The following STK32B variants were observed in gnomAD, a reference collection of about 807,000 sequenced individuals.
STK32B encodes the protein serine/threonine kinase 32B, also known as serine/threonine-protein kinase 32B.
Under a neutral mutation model 52.6 loss-of-function variants are expected in STK32B, and 43 were observed. That is an observed-to-expected ratio of 0.82 (90% confidence interval 0.64 to 1.05). The LOEUF (loss-of-function observed/expected upper bound fraction) is 1.05, where lower values mean the gene tolerates loss of function less well. Among genes scored for constraint, STK32B ranks in the 50% least tolerant of loss-of-function variants. STK32B has a pLI of 0.00. For synonymous variants in STK32B, 238 were observed against 204.3 expected (o/e 1.17, Z -1.41); for missense variants, 621 against 534.6 (o/e 1.16, Z -1.59).
intron 3 of STK32B, among the ~76,000 whole-genome samples, chr4:5,318,930 T>C (rs1174623734): frequency 6.6e-6 from 1 of 151,886 alleles, no homozygotes; most frequent in Admixed American, 6.6e-5. Context: ...CTCCTCAGTA[T>C]CTGGGACTAC....
intron 1 of STK32B, among the ~76,000 whole-genome samples, chr4:5,139,083 A>G (rs13129368): frequency 0.64 from 97,613 of 152,084 alleles, 35,359 homozygotes; most frequent in Non-Finnish European, 0.82. Flanking sequence ...GTGGTCCAGG[A>G]GACAGAAGAT....
rs998301642 is a variant in STK32B at position 5,469,363 on chromosome 4, C to A, written c.1106+1293C>A. Among the ~76,000 whole-genome samples, 1 of 152,238 alleles carries A rather than the reference C, an allele frequency of 6.6e-6. No homozygotes were observed. The highest frequency in any genetic ancestry group is 2.4e-5 in the African/African-American group (1 of 41,464). ...AGGGCAGTGCATGTCACAGCAGACA[C>A]CTGGCTCAGCCTGGGTGGTTGGGGA... On this transcript the variant is annotated intron_variant, in intron 11 of 11. Transcript: ENST00000282908. This position sits in a 1 kb window ranked among gnomAD's most constrained non-coding sequence, Gnocchi z 4.7.
At chr4:5,488,963 C>G (rs1426230706) in intron 11 of STK32B, among the ~76,000 whole-genome samples, 1 of 151,828 alleles carries the variant, frequency 6.6e-6, no homozygotes, top group Non-Finnish European at 1.5e-5. Context: ...ATTTTATATA[C>G]AGAATGTTAT....
intron 3 of STK32B, among the ~76,000 whole-genome samples, chr4:5,238,810 C>A (rs372430467): frequency 2.0e-5 from 3 of 152,286 alleles, no homozygotes; most frequent in South Asian, 4.1e-4. Flanking sequence ...GTGTCAGCAC[C>A]ACAAGGCACA....
chr4:5,247,884 G>T (rs1725578610), intron 3 of STK32B, among the ~76,000 whole-genome samples: 1 of 152,086 alleles, frequency 6.6e-6, no homozygotes. Context: ...TACAGTCTCA[G>T]TTGCAGCTTT....
At chr4:5,335,085 C>T (rs372422708) in intron 4 of STK32B, among the ~76,000 whole-genome samples, 9,231 of 151,938 alleles carry the variant, frequency 0.061, 582 homozygotes, top group African/African-American at 0.15. Flanking sequence ...TGGTAGAATT[C>T]GGCTGTGAAT....
chr4:5,348,764 C>T (rs995694141), intron 4 of STK32B, among the ~76,000 whole-genome samples: 1 of 152,302 alleles, frequency 6.6e-6, no homozygotes, highest in African/African-American at 2.4e-5. Flanking sequence ...TGTCTGCATG[C>T]ACCATCAGGG....
intron 1 of STK32B, among the ~76,000 whole-genome samples, chr4:5,096,477 ACAAAAAGCAAAC>A (rs936941030): frequency 2.0e-5 from 3 of 151,140 alleles, no homozygotes; most frequent in Non-Finnish European, 4.4e-5. Context: ...CCTTTTGACA[ACAAAAAGCAAAC>A]ATTCCAACGG....
At chr4:5,168,171 C>T (rs1376459769) in intron 2 of STK32B, 128 bp from the exon 3 acceptor site, 1 of 1,248,576 alleles carries the variant, frequency 8.0e-7, no homozygotes. Context: ...AGCAGAGCTG[C>T]TCCCCTAGCA....
At chr4:5,365,664 A>G (rs1734829164) in intron 4 of STK32B, among the ~76,000 whole-genome samples, 1 of 152,198 alleles carries the variant, frequency 6.6e-6, no homozygotes, top group Non-Finnish European at 1.5e-5. Context: ...AAGAGTTTCT[A>G]TTGAAAGTGG....
intron 3 of STK32B, among the ~76,000 whole-genome samples, chr4:5,223,816 C>CA (rs1230344719): frequency 0.49 from 48,954 of 100,604 alleles, 10,107 homozygotes; most frequent in African/African-American, 0.54. Context: ...GACTCCGTTT[C>CA]AAAAAAAAAA....
intron 1 of STK32B, among the ~76,000 whole-genome samples, chr4:5,102,614 C>T (rs1173362502): frequency 2.0e-5 from 3 of 151,538 alleles, no homozygotes; most frequent in African/African-American, 7.3e-5. Context: ...TCACTGCAAC[C>T]TCCGCCTCCC....
At chr4:5,214,008 A>G (rs950677308) in intron 3 of STK32B, among the ~76,000 whole-genome samples, 1 of 152,096 alleles carries the variant, frequency 6.6e-6, no homozygotes, top group African/African-American at 2.4e-5. Context: ...TAAATTCAGG[A>G]TTCTGTGCAT....
At chr4:5,397,906 A>G (rs1000838982) in intron 4 of STK32B, among the ~76,000 whole-genome samples, 26 of 152,230 alleles carry the variant, frequency 1.7e-4, no homozygotes, top group African/African-American at 6.3e-4. Context: ...TGCTGATCAC[A>G]TGCTTAGTGA....
chr4:5,125,366 G>A (rs981988178), intron 1 of STK32B, among the ~76,000 whole-genome samples: 14 of 152,338 alleles, frequency 9.2e-5, no homozygotes, highest in African/African-American at 2.4e-4. Context: ...GCTTTCCTAT[G>A]TGTGGCCTCG....
intron 3 of STK32B, among the ~76,000 whole-genome samples, chr4:5,315,417 T>C (rs1730600912): frequency 6.8e-6 from 1 of 148,074 alleles, no homozygotes; most frequent in South Asian, 2.1e-4. Flanking sequence ...GTAACAATAA[T>C]ACTCAGCAAC....
At chr4:5,082,058 G>T (rs1175982016) in intron 1 of STK32B, among the ~76,000 whole-genome samples, 1 of 152,036 alleles carries the variant, frequency 6.6e-6, no homozygotes, top group East Asian at 1.9e-4. Flanking sequence ...GTACTAGTCA[G>T]CCCAGCTAGG....
intron 5 of STK32B, among the ~76,000 whole-genome samples, chr4:5,401,110 A>G (rs1346342683): frequency 2.0e-5 from 3 of 152,214 alleles, no homozygotes; most frequent in African/African-American, 7.2e-5. Flanking sequence ...TGTTTGAGGA[A>G]TACAACAGCA....
At chr4:5,117,553 C>T (rs997525453) in intron 1 of STK32B, among the ~76,000 whole-genome samples, 1 of 152,010 alleles carries the variant, frequency 6.6e-6, no homozygotes. Context: ...TTTCGTATTT[C>T]TTCCTTTGTG....
Sources: allele counts gnomAD v4.1 joint callset (sites outside exome capture counted in the v4.1 genomes callset), GRCh38; gene constraint gnomAD v4.1.1; non-coding constraint Gnocchi (gnomAD v3.1); transcripts MANE v1.5; gene names NCBI Gene and HGNC (gene_info 2026-07-23, HGNC 2026-07-21).